The following KCNC2 variants were observed in gnomAD, a reference collection of about 807,000 sequenced individuals.
KCNC2 encodes the protein voltage-gated potassium channel KCNC2.
KCNC2 carries 21 observed loss-of-function variants against 44.5 expected under a neutral mutation model. The observed-to-expected ratio is 0.47, with a 90% CI of 0.33 to 0.68. The LOEUF (loss-of-function observed/expected upper bound fraction) is 0.68. KCNC2 is among the 30% of genes least tolerant of loss of function. The pLI is 0.01. For missense variants in KCNC2, 589 were observed against 826.2 expected, an observed-to-expected ratio of 0.71 and a Z score of 3.52; for synonymous variants, 391 against 339.1, an observed-to-expected ratio of 1.15 and a Z score of -1.68.
At chr12:75,182,619 C>T (rs1555172522) in intron 2 of KCNC2, among the ~76,000 whole-genome samples, 1 of 150,876 alleles carries the variant, frequency 6.6e-6, no homozygotes, top group Non-Finnish European at 1.5e-5. Context: ...TTACTCAAAA[C>T]CTTGAGGGCC....
At chr12:75,190,785 G>T (rs531165466) in intron 2 of KCNC2, among the ~76,000 whole-genome samples, 53 of 151,976 alleles carry the variant, frequency 3.5e-4, no homozygotes, top group Non-Finnish European at 6.0e-4. Context: ...AAAAGCAGTA[G>T]TAGCAATTAA....
intron 2 of KCNC2, among the ~76,000 whole-genome samples, chr12:75,060,950 A>G (rs564776959): frequency 3.7e-4 from 56 of 152,280 alleles, no homozygotes; most frequent in African/African-American, 1.3e-3. Context: ...ACTACTAAGT[A>G]GTTAAACTTC....
chr12:75,174,137 T>A (rs1892018985), intron 2 of KCNC2, among the ~76,000 whole-genome samples: 1 of 151,314 alleles, frequency 6.6e-6, no homozygotes, highest in Non-Finnish European at 1.5e-5. Context: ...AGTTCTAACT[T>A]TTTTTTTTCA....
chr12:75,123,488 G>A (rs1888186003), intron 2 of KCNC2, among the ~76,000 whole-genome samples: 1 of 152,180 alleles, frequency 6.6e-6, no homozygotes, highest in Middle Eastern at 3.2e-3. Flanking sequence ...TGAACAGGCA[G>A]TTTCTAACCC....
At chr12:75,099,581 T>C (rs956200863) in intron 2 of KCNC2, among the ~76,000 whole-genome samples, 20 of 152,168 alleles carry the variant, frequency 1.3e-4, no homozygotes, top group Non-Finnish European at 2.1e-4. Flanking sequence ...TGCAAACATA[T>C]GGTGTTTACA....
intron 2 of KCNC2, among the ~76,000 whole-genome samples, chr12:75,070,302 T>TAAAAAA (rs1883267218): frequency 6.6e-6 from 1 of 151,902 alleles, no homozygotes; most frequent in South Asian, 2.1e-4. Context: ...ATACAAAAAA[T>TAAAAAA]TAGCCAGTCA....
intron 2 of KCNC2, among the ~76,000 whole-genome samples, chr12:75,107,134 C>G (rs1274038643): frequency 6.6e-6 from 1 of 152,062 alleles, no homozygotes; most frequent in Admixed American, 6.6e-5. Flanking sequence ...GAAACCCTGT[C>G]TCTACTAAAA....
At chr12:75,104,015 G>A (rs1453241864) in intron 2 of KCNC2, among the ~76,000 whole-genome samples, 5 of 152,038 alleles carry the variant, frequency 3.3e-5, no homozygotes, top group Non-Finnish European at 5.9e-5. Flanking sequence ...TTCTGATGAT[G>A]CGTCAGAAGG....
At chr12:75,076,038 T>TACACACACACACAC (rs71078709) in intron 2 of KCNC2, among the ~76,000 whole-genome samples, 10 of 141,416 alleles carry the variant, frequency 7.1e-5, no homozygotes, top group East Asian at 4.2e-4. Context: ...TAATGTTACA[T>TACACACACACACAC]ACACACACAC....
chr12:75,182,539 A>AC (rs1892670175), intron 2 of KCNC2, among the ~76,000 whole-genome samples: 1 of 104,318 alleles, frequency 9.6e-6, no homozygotes, highest in African/African-American at 3.1e-5. Context: ...AAAAAAAAAC[A>AC]AAAAAAACAA....
intron 2 of KCNC2, among the ~76,000 whole-genome samples, chr12:75,083,791 T>C (rs1884713636): frequency 6.6e-6 from 1 of 152,038 alleles, no homozygotes; most frequent in East Asian, 1.9e-4. Context: ...TTTAGAAAGA[T>C]ATTTTATAAT....
chr12:75,126,065 T>A (rs369176894), intron 2 of KCNC2, among the ~76,000 whole-genome samples: 1 of 152,180 alleles, frequency 6.6e-6, no homozygotes, highest in South Asian at 2.1e-4. Flanking sequence ...AGAAGATGGA[T>A]ATCTGATGAG....
intron 2 of KCNC2, among the ~76,000 whole-genome samples, chr12:75,113,767 A>G (rs1428679352): frequency 6.6e-6 from 1 of 152,176 alleles, no homozygotes; most frequent in Non-Finnish European, 1.5e-5. Flanking sequence ...TCTATTTTGT[A>G]TCTTGATTCT....
chr12:75,153,290 A>G (rs898701985), intron 2 of KCNC2, among the ~76,000 whole-genome samples: 7 of 152,040 alleles, frequency 4.6e-5, no homozygotes, highest in African/African-American at 1.4e-4. Context: ...AAGTATGTGT[A>G]TACAGCAAAC....
intron 4 of KCNC2, among the ~76,000 whole-genome samples, chr12:75,047,004 C>G (rs73185152): frequency 0.12 from 17,500 of 151,820 alleles, 1,203 homozygotes; most frequent in South Asian, 0.22. Context: ...GTAAATAATT[C>G]AATAGGGAGA....
chr12:75,097,234 G>A (rs1177696930), intron 2 of KCNC2, among the ~76,000 whole-genome samples: 2 of 152,192 alleles, frequency 1.3e-5, no homozygotes, highest in East Asian at 3.9e-4. Context: ...TGTGGTTGCT[G>A]GGGGTTTGCA....
chr12:75,128,929 A>C (rs1407992420), intron 2 of KCNC2, among the ~76,000 whole-genome samples: 2 of 152,194 alleles, frequency 1.3e-5, no homozygotes, highest in Non-Finnish European at 2.9e-5. Flanking sequence ...TGATCCCTGA[A>C]ACTAAGGTCA....
chr12:75,176,149 A>G (rs992884164), intron 2 of KCNC2, among the ~76,000 whole-genome samples: 1 of 152,044 alleles, frequency 6.6e-6, no homozygotes, highest in Non-Finnish European at 1.5e-5. Context: ...TAACTGAAAC[A>G]CTGTGTGCCT....
intron 2 of KCNC2, among the ~76,000 whole-genome samples, chr12:75,146,264 G>T (rs905291678): frequency 1.3e-5 from 2 of 152,032 alleles, no homozygotes; most frequent in Admixed American, 1.3e-4. Context: ...TTTTTCATCA[G>T]AGATAATCAC....
Sources: allele counts gnomAD v4.1 joint callset (sites outside exome capture counted in the v4.1 genomes callset), GRCh38; gene constraint gnomAD v4.1.1; transcripts MANE v1.5; gene names NCBI Gene and HGNC (gene_info 2026-07-23, HGNC 2026-07-21).